WDR72: variants seen among roughly 807,000 people sequenced by gnomAD.
WDR72 encodes the protein WD repeat domain 72, also known as WD repeat-containing protein 72.
WDR72 carries 120 observed loss-of-function variants against 124.2 expected under a neutral mutation model. That is an observed-to-expected ratio of 0.97 (90% CI 0.83 to 1.12). WDR72 has a LOEUF of 1.12. Among genes scored for constraint, WDR72 ranks in the 50% most tolerant of loss-of-function variants. The pLI, the probability that WDR72 is intolerant of heterozygous loss-of-function variation, is 0.00. For synonymous variants in WDR72, 452 were observed against 441.7 expected (o/e 1.02, Z -0.29); for missense variants, 1,387 against 1,278.8 (o/e 1.08, Z -1.29).
chr15:53,704,913 T>C, intron 11 of WDR72, 75 bp downstream of exon 11: 1 of 1,551,490 alleles, frequency 6.4e-7, no homozygotes, highest in Non-Finnish European at 8.7e-7. Flanking sequence ...GGCCTCTAAA[T>C]CTTGTTTAGT....
intron 18 of WDR72, among the ~76,000 whole-genome samples, chr15:53,563,225 G>A (rs1894184965): frequency 6.6e-6 from 1 of 151,684 alleles, no homozygotes; most frequent in Admixed American, 6.6e-5. Context: ...TTTCAGCAAA[G>A]ACACATCCTT....
chr15:53,582,161 T>A (rs917943301), intron 18 of WDR72, among the ~76,000 whole-genome samples: 4 of 151,998 alleles, frequency 2.6e-5, no homozygotes, highest in African/African-American at 7.2e-5. Flanking sequence ...TTGTAGTACC[T>A]TTTATACTTG....
chr15:53,612,646 T>A (rs2013592986), intron 16 of WDR72, among the ~76,000 whole-genome samples: 1 of 151,976 alleles, frequency 6.6e-6, no homozygotes, highest in Non-Finnish European at 1.5e-5. Flanking sequence ...GGTGTATATG[T>A]GATGACATAG....
At chr15:53,737,440 A>G (rs2018389111) in intron 1 of WDR72, among the ~76,000 whole-genome samples, 1 of 152,240 alleles carries the variant, frequency 6.6e-6, no homozygotes, top group Non-Finnish European at 1.5e-5. Flanking sequence ...TTCCTAAAAT[A>G]TTAACGTAGA....
At position 53,722,324 on chromosome 15, in the gene WDR72, C is replaced by T. The variant is rs575796033; in HGVS notation, c.260+478G>A. ...TGCTGGGATTACAGGCATGAGCCAC[C>T]GTGCCCGGCCTGTTAGTTTTATAGT... is the stretch of plus-strand genomic sequence containing the variant. On this transcript the variant is annotated intron_variant, in intron 3 of 19. Transcript: ENST00000360509. Among the ~76,000 whole-genome samples, 72 of 152,202 alleles carry T rather than the reference C, an allele frequency of 4.7e-4. 1 individual carries two copies. Among genetic ancestry groups the T allele is most frequent in the African/African-American group, 1.6e-3 (65 of 41,532 alleles).
At chr15:53,586,020 G>A (rs1329741074) in intron 18 of WDR72, among the ~76,000 whole-genome samples, 2 of 152,044 alleles carry the variant, frequency 1.3e-5, no homozygotes. Flanking sequence ...TTACAGTAAT[G>A]TGAATGTTAA....
chr15:53,665,065 G>A (rs2015730822), intron 14 of WDR72, among the ~76,000 whole-genome samples: 1 of 152,078 alleles, frequency 6.6e-6, no homozygotes, highest in African/African-American at 2.4e-5. Flanking sequence ...TAAGCTGGTT[G>A]ACTTGGTTTA....
chr15:53,600,942 AACAG>A (rs1308492651), intron 17 of WDR72, among the ~76,000 whole-genome samples: 3 of 152,182 alleles, frequency 2.0e-5, no homozygotes, highest in Non-Finnish European at 4.4e-5. Context: ...TGAGGAGCAA[AACAG>A]ACAATCTCTA....
intron 9 of WDR72, among the ~76,000 whole-genome samples, chr15:53,707,741 C>G (rs2017423126): frequency 6.6e-6 from 1 of 152,232 alleles, no homozygotes; most frequent in Non-Finnish European, 1.5e-5. Flanking sequence ...CCACTGCGCC[C>G]GGCCAATAAA....
intron 18 of WDR72, among the ~76,000 whole-genome samples, chr15:53,592,863 G>C (rs568988179): frequency 6.6e-6 from 1 of 152,100 alleles, no homozygotes; most frequent in African/African-American, 2.4e-5. Flanking sequence ...AGCCTCAAAT[G>C]TAAGTGTTAA....
At position 53,714,421 on chromosome 15, in the gene WDR72, T is replaced by G; in HGVS notation, c.591+13A>C. On this transcript the variant is annotated intron_variant, in intron 6 of 19. Coordinates refer to ENST00000360509, the MANE Select transcript of WDR72 (RefSeq NM_182758.4). Reference sequence around the variant, plus strand: ...AAATTGTAAGGAAAAAAGAGTAGGGTTCCCAAGCCAACCTGAATGCTGTTG... The same window carrying G: ...AAATTGTAAGGAAAAAAGAGTAGGGGTCCCAAGCCAACCTGAATGCTGTTG... The G allele has an allele frequency of 6.2e-7, 1 of 1,610,976 alleles. No homozygotes were observed. The highest frequency in any genetic ancestry group is 8.5e-7 in the Non-Finnish European group (1 of 1,177,502).
At chr15:53,593,439 T>G (rs1051262757) in intron 18 of WDR72, among the ~76,000 whole-genome samples, 1 of 152,030 alleles carries the variant, frequency 6.6e-6, no homozygotes, top group African/African-American at 2.4e-5. Flanking sequence ...AGTCTTAGTT[T>G]ATTCATTTTG....
At chr15:53,669,324 G>A (rs1278257083) in intron 13 of WDR72, among the ~76,000 whole-genome samples, 1 of 152,086 alleles carries the variant, frequency 6.6e-6, no homozygotes, top group Admixed American at 6.6e-5. Flanking sequence ...CAGCTTCTTT[G>A]CCATTCAGTA....
intron 14 of WDR72, among the ~76,000 whole-genome samples, chr15:53,617,980 G>A (rs1349967763): frequency 6.6e-6 from 1 of 151,942 alleles, no homozygotes; most frequent in Non-Finnish European, 1.5e-5. Context: ...TTATGAAGGT[G>A]TGTGCTTTAT....
At chr15:53,707,426 G>A (rs1046783037) in intron 9 of WDR72, among the ~76,000 whole-genome samples, 1 of 146,240 alleles carries the variant, frequency 6.8e-6, no homozygotes, top group African/African-American at 2.5e-5. Flanking sequence ...ACAGAAAATG[G>A]TTCCAATAAA....
chr15:53,552,668 G>A (rs1036684538), intron 18 of WDR72, among the ~76,000 whole-genome samples: 1 of 152,060 alleles, frequency 6.6e-6, no homozygotes. Flanking sequence ...TAATGAAGTG[G>A]CTTAAAAAAT....
chr15:53,665,623 G>GT lies in WDR72; in HGVS notation c.1910dup (p.Tyr637Ter). ...CAGGGCAAGGTAATGGCCCAAGCTGGTAGGGGCTGGAGGATCTCTGTTCTA... is the reference window on the plus strand; with the variant it reads ...CAGGGCAAGGTAATGGCCCAAGCTGGTTAGGGGCTGGAGGATCTCTGTTCTA... ...KSIEQRSSSP[Y>*]QLGPLPCPGL... is the part of the protein sequence containing the mutation. Residue 637 changes from tyrosine to a stop codon, truncating the protein, a stop_gained and frameshift_variant, in exon 14 of 20, where the codon TAC (tyrosine) becomes TAAC (stop). Coordinates refer to ENST00000360509, the MANE Select transcript of WDR72 (RefSeq NM_182758.4). LOFTEE classifies it high-confidence loss of function. 1 of 1,613,912 alleles carries GT rather than the reference G, an allele frequency of 6.2e-7. No homozygotes were observed. Among genetic ancestry groups the GT allele is most frequent in the Non-Finnish European group, 8.5e-7 (1 of 1,179,864 alleles).
intron 14 of WDR72, among the ~76,000 whole-genome samples, chr15:53,660,657 T>C (rs556781985): frequency 2.4e-4 from 36 of 152,280 alleles, no homozygotes; most frequent in African/African-American, 8.7e-4. Flanking sequence ...TTATTTATAA[T>C]CAATTTTATA....
At chr15:53,664,004 G>A (rs928233766) in intron 14 of WDR72, among the ~76,000 whole-genome samples, 9 of 152,092 alleles carry the variant, frequency 5.9e-5, no homozygotes, top group African/African-American at 1.4e-4. Flanking sequence ...CCTAATCACC[G>A]GTTTCAATAT....
Sources: gnomAD v4.1 joint callset for allele counts (sites outside exome capture counted in the v4.1 genomes callset) on GRCh38, gnomAD v4.1.1 for gene constraint, MANE v1.5 for transcripts, NCBI Gene and HGNC (gene_info 2026-07-23, HGNC 2026-07-21) for gene names.